FADS2: variants seen among roughly 807,000 people sequenced by gnomAD.
FADS2 encodes fatty acid desaturase 2, also known as acyl-CoA 6-desaturase.
FADS2 carries 18 observed loss-of-function variants against 61.2 expected under a neutral mutation model. The observed-to-expected ratio is 0.29, with a 90% confidence interval of 0.20 to 0.44. The LOEUF is 0.44. Among genes scored for constraint, FADS2 ranks in the 20% least tolerant of loss-of-function variants. The pLI is 1.00. For synonymous variants in FADS2, 203 were observed against 223.9 expected, an observed-to-expected ratio of 0.91 and a Z score of 0.83; for missense variants, 322 against 572.7, an observed-to-expected ratio of 0.56 and a Z score of 4.47.
Position 61,865,533 on chromosome 11 carries a change from C to A in FADS2, c.1284-105C>A. 2 of 1,133,770 alleles carry A rather than the reference C, an allele frequency of 1.8e-6. No individual in the cohort carries two copies. Among genetic ancestry groups the A allele is most frequent in the Non-Finnish European group, 2.6e-6 (2 of 769,578 alleles). The allele number at this position is 1,133,770 out of a possible 1,614,324, so 70.2% of individuals were successfully genotyped here. On this transcript the variant is annotated intron_variant, in intron 11 of 11. Coordinates refer to ENST00000278840, the MANE Select transcript of FADS2 (RefSeq NM_004265.4). The surrounding 1 kb of genome is among the most constrained non-coding windows in gnomAD (Gnocchi z 4.1). ...GGCAGTGGTAAGCCCTGGTTAGGGC[C>A]AAGGGGACATACATGCCACCTTAAT...
At chr11:61,836,968 A>C (rs1192878732) in intron 1 of FADS2, among the ~76,000 whole-genome samples, 2 of 152,268 alleles carry the variant, frequency 1.3e-5, no homozygotes, top group South Asian at 2.1e-4. Context: ...AATATGCATA[A>C]TATGTATAGA....
chr11:61,828,102 T>G, upstream of FADS2: 8 of 1,288,986 alleles, frequency 6.2e-6, no homozygotes, highest in South Asian at 2.0e-5. This position sits in a 1 kb window ranked among gnomAD's most constrained non-coding sequence, Gnocchi z 6.4. Flanking sequence ...CCCGGGGAGT[T>G]TTTACTGGAG....
chr11:61,836,008 A>G (rs1253320100), intron 1 of FADS2, among the ~76,000 whole-genome samples: 1 of 152,228 alleles, frequency 6.6e-6, no homozygotes, highest in Non-Finnish European at 1.5e-5. Context: ...ATTTTTTCTC[A>G]TTCAACTCCC....
In FADS2 at chr11:61,816,457, G is replaced by A. The variant is rs761958385; in HGVS notation, c.141+31G>A. The A allele has an allele frequency of 3.7e-6, 6 of 1,600,056 alleles. No individual in the cohort carries two copies. In the East Asian group the frequency reaches 1.1e-4, roughly 30 times the overall value. On this transcript the variant is annotated intron_variant, in intron 1 of 11. Transcript: ENST00000257261. The surrounding 1 kb of genome is among the most constrained non-coding windows in gnomAD (Gnocchi z 7.0). ...ATCAGGCGCCTCCGGGCTTTCCTCC[G>A]AATTAGTCGGTGTTTGGCTCGGAGT...
intron 1 of FADS2, among the ~76,000 whole-genome samples, chr11:61,830,092 T>C (rs145269408): frequency 2.0e-5 from 3 of 152,372 alleles, no homozygotes; most frequent in South Asian, 2.1e-4. Flanking sequence ...CTATCTCACC[T>C]GGACCTTTAC....
chr11:61,843,867 T>A (rs2067235541), intron 4 of FADS2, among the ~76,000 whole-genome samples: 1 of 152,004 alleles, frequency 6.6e-6, no homozygotes, highest in South Asian at 2.1e-4. Context: ...CTCCATGTTG[T>A]CCAGGCTGGT....
intron 7 of FADS2, among the ~76,000 whole-genome samples, chr11:61,858,705 C>T (rs1262167925): frequency 2.0e-5 from 3 of 151,756 alleles, no homozygotes; most frequent in African/African-American, 7.3e-5. Context: ...CCTGCCTCAA[C>T]CTCCTGAGTA....
chr11:61,842,047 C>T (rs1243625891), intron 4 of FADS2, among the ~76,000 whole-genome samples: 1 of 152,230 alleles, frequency 6.6e-6, no homozygotes, highest in Non-Finnish European at 1.5e-5. Flanking sequence ...TATCCCCATC[C>T]CAGCCTGACC....
chr11:61,863,643 TG>T, intron 9 of FADS2, 63 bp from the exon 10 acceptor site: 1 of 1,422,610 alleles, frequency 7.0e-7, no homozygotes, highest in Non-Finnish European at 9.9e-7. Flanking sequence ...CTGGGCCCCC[TG>T]GGAATGAGGC....
rs2066985493 is a variant in FADS2, at chr11:61,816,519, C to G, written c.141+93C>G. The G allele has an allele frequency of 2.5e-6, 4 of 1,597,068 alleles. No homozygotes were observed. Among genetic ancestry groups the G allele is most frequent in the Admixed American group, 1.7e-5 (1 of 57,544 alleles). On this transcript the variant is annotated intron_variant, in intron 1 of 11. Coordinates refer to the FADS2 transcript ENST00000257261. The surrounding 1 kb of genome is among the most constrained non-coding windows in gnomAD (Gnocchi z 7.0). The stretch of plus-strand genomic sequence containing the variant: ...TCTCCCCTGCACTCAGCCTCCGGTC[C>G]CGCCCTCTCCTGTGCCCCCGCCTGG...
At chr11:61,862,694 T>A in intron 7 of FADS2, 2 of 449,184 alleles carry the variant, frequency 4.5e-6, no homozygotes, top group Admixed American at 3.6e-5. Flanking sequence ...CCCCCACCCC[T>A]ACCCCATGGC....
In FADS2 at chr11:61,816,605, G is replaced by A; in HGVS notation, c.141+179G>A. 1 of 1,605,168 alleles carries A rather than the reference G, an allele frequency of 6.2e-7. No individual in the cohort carries two copies. ...CTGATGACCCGGGAGCCCCCTGGAT[G>A]CCGGCGGGTGAACTCGCTGATGTTG... On this transcript the variant is annotated intron_variant, in intron 1 of 11. Coordinates refer to the FADS2 transcript ENST00000257261. The surrounding 1 kb of genome is among the most constrained non-coding windows in gnomAD (Gnocchi z 7.0).
intron 1 of FADS2, among the ~76,000 whole-genome samples, chr11:61,818,470 T>C (rs1392122436): frequency 6.6e-6 from 1 of 152,200 alleles, no homozygotes; most frequent in Non-Finnish European, 1.5e-5. Flanking sequence ...GCAGTTTCAC[T>C]CTTGGTAAAG....
In FADS2 at chr11:61,862,912, G is replaced by A. The variant is rs78678033; in HGVS notation, c.883-60G>A. The A allele has an allele frequency of 6.2e-3, 8,344 of 1,343,088 alleles. 393 individuals carry two copies. In the African/African-American group the frequency reaches 0.1, roughly 17 times the overall value. 83.2% of individuals were successfully genotyped at this position (1,343,088 alleles called of 1,614,324 possible). ...TGAGGTGTGTGCACATCTGGGGCAC[G>A]CACTTGGTGCCAGGGCAGAGGAGAG... On this transcript the variant is annotated intron_variant, in intron 7 of 11. Transcript: ENST00000278840.
At chr11:61,835,560 A>ATT (rs57778794) in intron 1 of FADS2, among the ~76,000 whole-genome samples, 101 of 139,008 alleles carry the variant, frequency 7.3e-4, no homozygotes, top group Middle Eastern at 7.5e-3. Flanking sequence ...CACCTGGCTA[A>ATT]TTTTTTTTTT....
chr11:61,828,364 C>T lies in FADS2; in HGVS notation c.-27C>T, dbSNP rs2067100668. On this transcript the variant is annotated 5_prime_UTR_variant, in exon 1 of 12. Transcript: ENST00000278840. The surrounding 1 kb of genome is among the most constrained non-coding windows in gnomAD (Gnocchi z 6.4). ...CAGCCGGCGCGGGGAGGCCGCAGTGCACGGGGCGTCACAGTCGGCAGGCAG... is the reference window on the plus strand; with the variant it reads ...CAGCCGGCGCGGGGAGGCCGCAGTGTACGGGGCGTCACAGTCGGCAGGCAG... The T allele has an allele frequency of 6.5e-7, 1 of 1,549,224 alleles. No individual in the cohort carries two copies. The highest frequency in any genetic ancestry group is 8.7e-7 in the Non-Finnish European group (1 of 1,147,260).
chr11:61,848,395 G>A, intron 5 of FADS2, 111 bp downstream of exon 5: 1 of 1,544,504 alleles, frequency 6.5e-7, no homozygotes, highest in Non-Finnish European at 8.9e-7. Flanking sequence ...TTTGGCCTGG[G>A]CGAATGGCAG....
intron 2 of FADS2, among the ~76,000 whole-genome samples, chr11:61,838,349 A>AC (rs2067192076): frequency 6.6e-6 from 1 of 151,872 alleles, no homozygotes; most frequent in South Asian, 2.1e-4. Flanking sequence ...GAAAATAGCA[A>AC]CCCCTGAGGT....
chr11:61,839,162 T>C (rs1720310187), intron 2 of FADS2, among the ~76,000 whole-genome samples: 1 of 152,098 alleles, frequency 6.6e-6, no homozygotes, highest in Non-Finnish European at 1.5e-5. Context: ...TGGCTCCATG[T>C]GCCCGGGACT....
Sources: allele counts gnomAD v4.1 joint callset (sites outside exome capture counted in the v4.1 genomes callset), GRCh38; gene constraint gnomAD v4.1.1; non-coding constraint Gnocchi (gnomAD v3.1); transcripts MANE v1.5; gene names NCBI Gene and HGNC (gene_info 2026-07-23, HGNC 2026-07-21).